SBF2: variants seen among roughly 807,000 people sequenced by gnomAD.
SBF2 encodes myotubularin-related protein 13.
SBF2 carries 112 observed loss-of-function variants against 225.2 expected under a neutral mutation model. That is an observed-to-expected ratio of 0.50 (90% CI 0.43 to 0.58). The LOEUF (loss-of-function observed/expected upper bound fraction) is 0.58. SBF2 is among the 20% of genes least tolerant of loss of function. The probability of loss-of-function intolerance (pLI) is 0.00; values close to 1 mark genes in which losing one functional copy is unlikely to be tolerated. For synonymous variants in SBF2, 763 were observed against 773.3 expected, an observed-to-expected ratio of 0.99 and a Z score of 0.22; for missense variants, 1,996 against 2,206.2, an observed-to-expected ratio of 0.90 and a Z score of 1.91.
chr11:10,208,032 C>G (rs186354685), intron 1 of SBF2, among the ~76,000 whole-genome samples: 1 of 151,994 alleles, frequency 6.6e-6, no homozygotes, highest in Non-Finnish European at 1.5e-5. Context: ...AGAAAGTCCT[C>G]AAGAAAAACA....
chr11:9,842,684 CCT>C lies in SBF2; in HGVS notation c.3195_3196del (p.Gly1066AspfsTer14). 1 of 1,613,982 alleles carries C rather than the reference CCT, an allele frequency of 6.2e-7. No homozygotes were observed. Among genetic ancestry groups the C allele is most frequent in the Non-Finnish European group, 8.5e-7 (1 of 1,179,974 alleles). On this transcript the variant is annotated frameshift_variant, in exon 25 of 40. Transcript: ENST00000256190. LOFTEE classifies it high-confidence loss of function. ...ATTTACTCTTTCTTCCACAATTGTC[CCT>C]GTCTTCTTCTTCAGTAAATATTGCC...
At chr11:10,121,234 G>A (rs564848041) in intron 2 of SBF2, among the ~76,000 whole-genome samples, 1 of 152,186 alleles carries the variant, frequency 6.6e-6, no homozygotes, top group Non-Finnish European at 1.5e-5. Flanking sequence ...ATAATGCATA[G>A]ATAGGTAATG....
chr11:9,872,837 T>A (rs1858891322), intron 17 of SBF2, among the ~76,000 whole-genome samples: 1 of 152,094 alleles, frequency 6.6e-6, no homozygotes, highest in African/African-American at 2.4e-5. Context: ...TAATAAATGC[T>A]AAGCCAAATA....
chr11:10,107,283 CAGAT>C (rs1952597752), intron 2 of SBF2, among the ~76,000 whole-genome samples: 1 of 152,080 alleles, frequency 6.6e-6, no homozygotes, highest in Non-Finnish European at 1.5e-5. Context: ...AACAGGTGAA[CAGAT>C]AAAGTGTGGC....
At chr11:9,872,286 T>C (rs147462149) in intron 17 of SBF2, among the ~76,000 whole-genome samples, 2 of 152,104 alleles carry the variant, frequency 1.3e-5, no homozygotes, top group East Asian at 1.9e-4. Context: ...CATGGACACA[T>C]AGGGAAGAAC....
At chr11:9,924,357 T>G (rs745556834) in intron 16 of SBF2, among the ~76,000 whole-genome samples, 1 of 152,256 alleles carries the variant, frequency 6.6e-6, no homozygotes, top group Non-Finnish European at 1.5e-5. Flanking sequence ...GTAAGTGTTC[T>G]GAGCATGTTT....
At chr11:10,256,975 C>T (rs1278755414) in intron 1 of SBF2, among the ~76,000 whole-genome samples, 1 of 152,126 alleles carries the variant, frequency 6.6e-6, no homozygotes, top group Non-Finnish European at 1.5e-5. Flanking sequence ...ACTGGTACAT[C>T]CAAACACTTC....
At chr11:10,157,832 G>C (rs1367625220) in intron 2 of SBF2, among the ~76,000 whole-genome samples, 2 of 152,082 alleles carry the variant, frequency 1.3e-5, no homozygotes, top group African/African-American at 4.8e-5. Context: ...CACTGCTCTG[G>C]AACAAATGGA....
At chr11:9,894,376 G>A (rs1861073110) in intron 17 of SBF2, among the ~76,000 whole-genome samples, 1 of 152,202 alleles carries the variant, frequency 6.6e-6, no homozygotes, top group African/African-American at 2.4e-5. Context: ...AATTAGCTGG[G>A]TGTGGTGGCA....
At chr11:9,850,861 T>G (rs1273724188) in intron 21 of SBF2, among the ~76,000 whole-genome samples, 1 of 152,048 alleles carries the variant, frequency 6.6e-6, no homozygotes, top group African/African-American at 2.4e-5. Flanking sequence ...GAAGGCTGGG[T>G]GCAGTGGCTC....
chr11:9,788,719 C>A (rs959820124), intron 35 of SBF2, among the ~76,000 whole-genome samples: 1 of 151,320 alleles, frequency 6.6e-6, no homozygotes, highest in Non-Finnish European at 1.5e-5. Flanking sequence ...CTCAGCCTCC[C>A]GAGTAGCTGG....
At chr11:10,098,363 C>T (rs1952120509) in intron 2 of SBF2, among the ~76,000 whole-genome samples, 2 of 151,582 alleles carry the variant, frequency 1.3e-5, no homozygotes, top group South Asian at 2.1e-4. Context: ...CTCCAGAATC[C>T]CCACCTCAGC....
At chr11:10,169,887 A>C (rs1442951936) in intron 2 of SBF2, among the ~76,000 whole-genome samples, 3 of 152,036 alleles carry the variant, frequency 2.0e-5, no homozygotes, top group Non-Finnish European at 4.4e-5. Flanking sequence ...CTGGGGTGAG[A>C]TGGTATCTCG....
At chr11:10,153,488 A>C (rs1244507882) in intron 2 of SBF2, among the ~76,000 whole-genome samples, 1 of 152,170 alleles carries the variant, frequency 6.6e-6, no homozygotes, top group Non-Finnish European at 1.5e-5. Flanking sequence ...ATAAAATAAA[A>C]CACAATTTAA....
At chr11:10,102,086 C>A (rs1342398638) in intron 2 of SBF2, among the ~76,000 whole-genome samples, 1 of 152,192 alleles carries the variant, frequency 6.6e-6, no homozygotes, top group African/African-American at 2.4e-5. Flanking sequence ...TTAAAGACTA[C>A]TGGTAAAATT....
chr11:10,154,799 G>A (rs1955389670), intron 2 of SBF2, among the ~76,000 whole-genome samples: 1 of 152,104 alleles, frequency 6.6e-6, no homozygotes, highest in Non-Finnish European at 1.5e-5. Context: ...AATGGCCTTA[G>A]AAATAACAAA....
chr11:10,134,263 T>C (rs975387470), intron 2 of SBF2, among the ~76,000 whole-genome samples: 1 of 152,154 alleles, frequency 6.6e-6, no homozygotes, highest in African/African-American at 2.4e-5. Context: ...CCTGATTCAA[T>C]TACCTCCCAC....
intron 1 of SBF2, among the ~76,000 whole-genome samples, chr11:10,288,457 C>G (rs1419049002): frequency 1.3e-5 from 2 of 152,036 alleles, no homozygotes; most frequent in Non-Finnish European, 2.9e-5. Context: ...GTCACCCCAG[C>G]AAGTATTTTC....
intron 3 of SBF2, among the ~76,000 whole-genome samples, chr11:10,032,888 TC>T (rs1466785676): frequency 6.6e-6 from 1 of 152,196 alleles, no homozygotes; most frequent in Non-Finnish European, 1.5e-5. Context: ...GGAAGTCTTT[TC>T]CCCCCTATTC....
Sources: allele counts gnomAD v4.1 joint callset (sites outside exome capture counted in the v4.1 genomes callset), GRCh38; gene constraint gnomAD v4.1.1; transcripts MANE v1.5; gene names NCBI Gene and HGNC (gene_info 2026-07-23, HGNC 2026-07-21).